Variants in COL5A1 observed in about 807,000 individuals in gnomAD.
COL5A1 encodes the protein collagen type V alpha 1 chain, also known as collagen alpha-1(V) chain.
Under a neutral mutation model 263.7 loss-of-function variants are expected in COL5A1, and 16 were observed. The ratio of observed to expected loss-of-function variants is 0.06; its 90% confidence interval spans 0.04 to 0.09. COL5A1 has a LOEUF of 0.09. Ranked by LOEUF, COL5A1 falls within the 10% of genes least tolerant of loss-of-function variation. The pLI is 1.00. For missense variants in COL5A1, 2,036 were observed against 2,540.5 expected (o/e 0.80, Z 4.27); for synonymous variants, 1,012 against 1,004.5 (o/e 1.01, Z -0.14).
chr9:134,760,610 C>A (rs1368641313), intron 18 of COL5A1, among the ~76,000 whole-genome samples: 5 of 114,092 alleles, frequency 4.4e-5, no homozygotes, highest in Non-Finnish European at 8.5e-5. Flanking sequence ...ACCACACATG[C>A]ACACACACAC....
At chr9:134,719,747 C>T (rs543194003) in intron 4 of COL5A1, among the ~76,000 whole-genome samples, 2 of 152,244 alleles carry the variant, frequency 1.3e-5, no homozygotes, top group South Asian at 4.2e-4. Context: ...CGGCTGCCAT[C>T]GTTGGTAAGA....
intron 11 of COL5A1, among the ~76,000 whole-genome samples, chr9:134,744,226 A>G (rs1835390730): frequency 6.6e-6 from 1 of 152,178 alleles, no homozygotes; most frequent in African/African-American, 2.4e-5. Flanking sequence ...AGAAGTGTTC[A>G]GGACATCTTG....
chr9:134,651,137 G>A (rs1359620418), intron 1 of COL5A1, among the ~76,000 whole-genome samples: 3 of 152,232 alleles, frequency 2.0e-5, no homozygotes, highest in Non-Finnish European at 2.9e-5. Flanking sequence ...GCAACAGTGC[G>A]TACCTGAAGC....
At chr9:134,665,049 A>G (rs913295414) in intron 1 of COL5A1, among the ~76,000 whole-genome samples, 3 of 152,144 alleles carry the variant, frequency 2.0e-5, no homozygotes, top group Non-Finnish European at 4.4e-5. Flanking sequence ...AAATACAAAA[A>G]TTAGCCAGGT....
rs1038645470 is a variant in COL5A1, at chr9:134,789,981, A to G, written c.2700+773A>G. On this transcript the variant is annotated intron_variant, in intron 32 of 65. Coordinates refer to ENST00000371817, the MANE Select transcript of COL5A1 (RefSeq NM_000093.5). The surrounding 1 kb of genome is among the most constrained non-coding windows in gnomAD (Gnocchi z 4.8). Reference sequence around the variant, plus strand: ...GTCTGTGGTGTACATGCAGGACAGCATCTGCAGAGCAGGCCTGGGGGACAT... The same window carrying G: ...GTCTGTGGTGTACATGCAGGACAGCGTCTGCAGAGCAGGCCTGGGGGACAT... 3.9e-5 allele frequency among the ~76,000 whole-genome samples: 6 copies of G among 152,196 alleles called. No homozygotes were observed. The highest frequency in any genetic ancestry group is 2.0e-4 in the Admixed American group (3 of 15,290).
chr9:134,820,071 G>C (rs3811147), intron 57 of COL5A1, 45 bp from the exon 58 acceptor site: 1 of 1,463,064 alleles, frequency 6.8e-7, no homozygotes, highest in Non-Finnish European at 9.6e-7. Flanking sequence ...CGAGCATGAG[G>C]CGTGGCTCCC....
At chr9:134,693,957 A>G (rs1332774019) in intron 2 of COL5A1, among the ~76,000 whole-genome samples, 3 of 152,226 alleles carry the variant, frequency 2.0e-5, no homozygotes, top group African/African-American at 7.2e-5. Context: ...GAGCAGCAGC[A>G]TCTGCGGGAT....
chr9:134,797,494 G>GT (rs1242972811), intron 36 of COL5A1, among the ~76,000 whole-genome samples: 1 of 142,886 alleles, frequency 7.0e-6, no homozygotes, highest in Non-Finnish European at 1.5e-5. Flanking sequence ...TTCTTTTTTT[G>GT]TTTTTTGAGA....
At chr9:134,822,497 A>G (rs1431432944) in intron 59 of COL5A1, among the ~76,000 whole-genome samples, 1 of 152,068 alleles carries the variant, frequency 6.6e-6, no homozygotes, top group Non-Finnish European at 1.5e-5. Flanking sequence ...AGCCTGGCCC[A>G]GACAAGAGCA....
intron 44 of COL5A1, among the ~76,000 whole-genome samples, chr9:134,811,036 AG>A (rs1457849073): frequency 2.0e-5 from 3 of 152,160 alleles, no homozygotes; most frequent in Non-Finnish European, 1.5e-5. Context: ...TCACTGTTGA[AG>A]GGGGCCTCAC....
At chr9:134,839,559 C>T (rs1316520161) in intron 65 of COL5A1, among the ~76,000 whole-genome samples, 1 of 152,226 alleles carries the variant, frequency 6.6e-6, no homozygotes, top group Non-Finnish European at 1.5e-5. Flanking sequence ...CAGCGCCCTG[C>T]TGGCTTGCTG....
At position 134,842,695 on chromosome 9, in the gene COL5A1, A is replaced by T. The variant is rs1588622311; in HGVS notation, c.*392A>T. 1.1e-5 allele frequency: 3 copies of T among 281,878 alleles called. No individual in the cohort carries two copies. The East Asian group carries it at 2.5e-4, about 23-fold the overall frequency. The allele number at this position is 281,878 out of a possible 1,614,324, so 17.5% of individuals were successfully genotyped here. On this transcript the variant is annotated 3_prime_UTR_variant, in exon 66 of 66. Transcript: ENST00000371817. This position sits in a 1 kb window ranked among gnomAD's most constrained non-coding sequence, Gnocchi z 5.8. ...GGACACTATATTTTTTTCTAAATTC[A>T]ACTTGAAGATGTGTATTTCCCCTGA...
At chr9:134,837,287 C>T (rs1309640052) in intron 65 of COL5A1, among the ~76,000 whole-genome samples, 1 of 152,058 alleles carries the variant, frequency 6.6e-6, no homozygotes, top group African/African-American at 2.4e-5. Flanking sequence ...AACTAGCTGG[C>T]CCAGTGGGTA....
At chr9:134,761,877 T>G (rs752012521) in intron 18 of COL5A1, 48 bp from the exon 19 acceptor site, 9 of 1,593,068 alleles carry the variant, frequency 5.6e-6, no homozygotes, top group Non-Finnish European at 7.7e-6. Flanking sequence ...GGACAAGCCC[T>G]GCATGACCTG....
chr9:134,814,656 C>T, intron 49 of COL5A1, 141 bp from the exon 50 acceptor site: 1 of 709,826 alleles, frequency 1.4e-6, no homozygotes. Context: ...GGGGAGCGAC[C>T]TGGCAGCCAG....
chr9:134,757,799 C>T lies in COL5A1; in HGVS notation c.1882-444C>T, dbSNP rs1439173505. Among the ~76,000 whole-genome samples, 1 of 152,154 alleles carries T rather than the reference C, an allele frequency of 6.6e-6. No homozygotes were observed. The highest frequency in any genetic ancestry group is 2.4e-5 in the African/African-American group (1 of 41,436). Reference sequence around the variant, plus strand: ...GATGCCTGAGGGTAGCCAGTGCTGGCCCGTCCACCAATGGGTACGCGTACC... The same window carrying T: ...GATGCCTGAGGGTAGCCAGTGCTGGTCCGTCCACCAATGGGTACGCGTACC... On this transcript the variant is annotated intron_variant, in intron 17 of 65. Transcript: ENST00000371817. This position sits in a 1 kb window ranked among gnomAD's most constrained non-coding sequence, Gnocchi z 6.2.
At chr9:134,648,735 T>C (rs1831560191) in intron 1 of COL5A1, among the ~76,000 whole-genome samples, 1 of 152,190 alleles carries the variant, frequency 6.6e-6, no homozygotes, top group Non-Finnish European at 1.5e-5. Flanking sequence ...CCATCCTGTG[T>C]GGTGTCACAC....
intron 64 of COL5A1, among the ~76,000 whole-genome samples, chr9:134,831,350 T>C (rs1839615542): frequency 6.6e-6 from 1 of 152,248 alleles, no homozygotes; most frequent in South Asian, 2.1e-4. Flanking sequence ...TGGCTGTGTT[T>C]CTGGAGGCTT....
chr9:134,752,537 C>T lies in COL5A1; in HGVS notation c.1663-52C>T, dbSNP rs368630316. On this transcript the variant is annotated intron_variant, in intron 13 of 65. Transcript: ENST00000371817. The stretch of plus-strand genomic sequence containing the variant: ...TCTCACGGCTCAGGCGCCAGCAAAC[C>T]GGAGCACTGCTGCTGGGGCCCTGTC... The T allele has an allele frequency of 3.4e-5, 48 of 1,428,640 alleles. No individual in the cohort carries two copies. The East Asian group carries it at 4.8e-4, about 14-fold the overall frequency. The allele number at this position is 1,428,640 out of a possible 1,614,324, so 88.5% of individuals were successfully genotyped here. A position where few individuals can be genotyped will look rare whatever the true frequency, so the allele number is the denominator to read the frequency against.
Sources: gnomAD v4.1 joint callset for allele counts (sites outside exome capture counted in the v4.1 genomes callset) on GRCh38, gnomAD v4.1.1 for gene constraint, Gnocchi (gnomAD v3.1) non-coding constraint, MANE v1.5 for transcripts, NCBI Gene and HGNC (gene_info 2026-07-23, HGNC 2026-07-21) for gene names.